Variants in IGSF11 observed in about 807,000 individuals in gnomAD.
The protein encoded by IGSF11 is CXADR like 1.
Under a neutral mutation model 41.0 loss-of-function variants are expected in IGSF11, and 22 were observed. The ratio of observed to expected loss-of-function variants is 0.54; its 90% CI spans 0.38 to 0.77. The LOEUF (loss-of-function observed/expected upper bound fraction) is 0.77. Among genes scored for constraint, IGSF11 ranks in the 30% least tolerant of loss-of-function variants. The pLI is 0.00. For synonymous variants in IGSF11, 219 were observed against 201.3 expected, an observed-to-expected ratio of 1.09 and a Z score of -0.74; for missense variants, 444 against 530.8, an observed-to-expected ratio of 0.84 and a Z score of 1.61.
chr3:118,916,318 G>C (rs1292110760), intron 4 of IGSF11, among the ~76,000 whole-genome samples: 3 of 152,124 alleles, frequency 2.0e-5, no homozygotes, highest in Non-Finnish European at 2.9e-5. Context: ...TGGCGAGTTG[G>C]ATAAAGAGTC....
chr3:118,941,883 G>C (rs182751212), intron 1 of IGSF11, among the ~76,000 whole-genome samples: 189 of 152,224 alleles, frequency 1.2e-3, no homozygotes, highest in Middle Eastern at 6.8e-3. Flanking sequence ...GCTATATACT[G>C]CATGTATCCA....
At chr3:119,045,021 A>G (rs1232409404) in intron 1 of IGSF11, among the ~76,000 whole-genome samples, 1 of 152,262 alleles carries the variant, frequency 6.6e-6, no homozygotes, top group African/African-American at 2.4e-5. Context: ...AGCAACAATC[A>G]GCATGATGAA....
chr3:118,961,496 A>G (rs1945330468), intron 1 of IGSF11, among the ~76,000 whole-genome samples: 1 of 152,274 alleles, frequency 6.6e-6, no homozygotes, highest in Non-Finnish European at 1.5e-5. Flanking sequence ...AAATGTTCAC[A>G]TTAACAAAAA....
At chr3:118,942,653 G>A (rs551892348) in intron 1 of IGSF11, among the ~76,000 whole-genome samples, 7 of 152,208 alleles carry the variant, frequency 4.6e-5, no homozygotes, top group African/African-American at 7.2e-5. Context: ...CCATGAATAC[G>A]ACTATGCTGA....
chr3:118,953,794 GA>G (rs1944760324), intron 1 of IGSF11, among the ~76,000 whole-genome samples: 1 of 152,240 alleles, frequency 6.6e-6, no homozygotes, highest in South Asian at 2.1e-4. Context: ...GCAGATTCTG[GA>G]TATTAGTCCT....
intron 1 of IGSF11, among the ~76,000 whole-genome samples, chr3:119,100,052 T>A (rs2076916931): frequency 6.6e-6 from 1 of 152,204 alleles, no homozygotes; most frequent in African/African-American, 2.4e-5. Flanking sequence ...ATTATGCTAC[T>A]CAGAGCTTCA....
At chr3:119,003,148 T>A (rs1172451748) in intron 1 of IGSF11, among the ~76,000 whole-genome samples, 110 of 138,990 alleles carry the variant, frequency 7.9e-4, no homozygotes, top group Non-Finnish European at 1.0e-3. Context: ...TTTTATTTCA[T>A]TGAGCAGTGG....
At chr3:119,031,150 G>C (rs1381059818) in intron 1 of IGSF11, among the ~76,000 whole-genome samples, 2 of 152,040 alleles carry the variant, frequency 1.3e-5, no homozygotes, top group South Asian at 4.2e-4. Flanking sequence ...CTGGCTACTC[G>C]GGAGGCTGAG....
chr3:119,133,484 T>C (rs979182704), intron 1 of IGSF11, among the ~76,000 whole-genome samples: 2 of 152,178 alleles, frequency 1.3e-5, no homozygotes, highest in African/African-American at 4.8e-5. Context: ...AATGGATAAA[T>C]TCCTGGACAC....
chr3:119,045,500 C>T (rs888351934), intron 1 of IGSF11, among the ~76,000 whole-genome samples: 6 of 152,164 alleles, frequency 3.9e-5, no homozygotes, highest in Admixed American at 6.5e-5. Context: ...TCCTACTCCA[C>T]GGAGTCTCGC....
At chr3:119,030,986 G>A (rs547332289) in intron 1 of IGSF11, among the ~76,000 whole-genome samples, 3 of 152,322 alleles carry the variant, frequency 2.0e-5, no homozygotes, top group South Asian at 2.1e-4. Flanking sequence ...GCCAGGCACG[G>A]TGGCTCAGGC....
chr3:118,911,530 A>C (rs1485593081), intron 4 of IGSF11, among the ~76,000 whole-genome samples: 1 of 152,102 alleles, frequency 6.6e-6, no homozygotes, highest in Non-Finnish European at 1.5e-5. Context: ...CCATCAGGAC[A>C]CTAAGGCAGG....
intron 1 of IGSF11, among the ~76,000 whole-genome samples, chr3:119,047,818 A>C (rs866180794): frequency 0.026 from 3,922 of 152,232 alleles, 143 homozygotes; most frequent in African/African-American, 0.089. Context: ...CAGTGCAATC[A>C]AACTAGAACT....
intron 1 of IGSF11, among the ~76,000 whole-genome samples, chr3:119,081,819 T>C (rs2076591769): frequency 6.6e-6 from 1 of 152,224 alleles, no homozygotes; most frequent in Non-Finnish European, 1.5e-5. Flanking sequence ...AATAAATCTA[T>C]GTCTGGTGGA....
In IGSF11 at chr3:119,091,820, C is replaced by T. The variant is rs1361935006; in HGVS notation, c.49+13324G>A. 2.0e-5 allele frequency among the ~76,000 whole-genome samples: 3 copies of T among 151,714 alleles called. No individual in the cohort carries two copies. The East Asian group carries it at 5.8e-4, about 29-fold the overall frequency. On this transcript the variant is annotated intron_variant, in intron 1 of 6. Coordinates refer to the IGSF11 transcript ENST00000354673. The stretch of plus-strand genomic sequence containing the variant: ...TCACACACCATTCCCATGTAACAAA[C>T]CTGCAAATGTGCCCCCTGTATGTAA...
At chr3:119,086,345 T>C (rs970774417) in intron 1 of IGSF11, among the ~76,000 whole-genome samples, 2 of 152,206 alleles carry the variant, frequency 1.3e-5, no homozygotes, top group Non-Finnish European at 2.9e-5. Context: ...ATTTCTCTAA[T>C]CTTGCTAGGC....
chr3:119,099,902 T>A (rs1231890214), intron 1 of IGSF11, among the ~76,000 whole-genome samples: 4 of 152,180 alleles, frequency 2.6e-5, no homozygotes, highest in Non-Finnish European at 4.4e-5. Context: ...TTGAACCCAA[T>A]GTACACTGTA....
At chr3:118,904,062 T>C (rs955079086) in intron 6 of IGSF11, among the ~76,000 whole-genome samples, 3 of 152,206 alleles carry the variant, frequency 2.0e-5, no homozygotes, top group Non-Finnish European at 4.4e-5. Context: ...TGTCTCACTA[T>C]GGAGACTGGA....
Position 119,034,662 on chromosome 3 carries a change from C to CAAGA in IGSF11, c.-81_-80insTCTT, listed in dbSNP as rs1940770508. ...AGAGGAGCGGGCGTGAGTCTCCGCG[C>CAAGA]TCTTGGGGCAGCCTGGTCCTCCCAC... On this transcript the variant is annotated 5_prime_UTR_variant, in exon 1 of 7. Transcript: ENST00000393775. 5 of 1,466,870 alleles carry CAAGA rather than the reference C, an allele frequency of 3.4e-6. No individual in the cohort carries two copies. Among genetic ancestry groups the CAAGA allele is most frequent in the Non-Finnish European group, 3.6e-6 (4 of 1,102,004 alleles). The allele number at this position is 1,466,870 out of a possible 1,614,324, so 90.9% of individuals were successfully genotyped here.
Sources: gnomAD v4.1 joint callset for allele counts (sites outside exome capture counted in the v4.1 genomes callset) on GRCh38, gnomAD v4.1.1 for gene constraint, MANE v1.5 for transcripts, NCBI Gene and HGNC (gene_info 2026-07-23, HGNC 2026-07-21) for gene names.